Variants in PLEKHG5 observed in about 807,000 individuals in gnomAD.
PLEKHG5 encodes pleckstrin homology and RhoGEF domain containing G5, also known as pleckstrin homology domain-containing family G member 5.
PLEKHG5 carries 52 observed loss-of-function variants against 103.8 expected under a neutral mutation model. The observed-to-expected ratio is 0.50, with a 90% CI of 0.40 to 0.63. The LOEUF is 0.63. Among genes scored for constraint, PLEKHG5 ranks in the 30% least tolerant of loss-of-function variants. PLEKHG5 has a pLI of 0.00. For missense variants in PLEKHG5, 1,205 were observed against 1,347.6 expected (o/e 0.89, Z 1.66); for synonymous variants, 592 against 575.5 (o/e 1.03, Z -0.41).
upstream of PLEKHG5, among the ~76,000 whole-genome samples, chr1:6,496,155 C>T (rs1331390082): frequency 6.6e-6 from 1 of 152,218 alleles, no homozygotes. Flanking sequence ...CGTGGGAGAC[C>T]ACTTCCCCTG....
intron 5 of PLEKHG5, 51 bp downstream of exon 5, chr1:6,474,996 G>A (rs1644716547): frequency 2.7e-6 from 3 of 1,112,972 alleles, no homozygotes; most frequent in Non-Finnish European, 4.2e-6. Context: ...GCAACATGGG[G>A]CCACCCCTAC....
intron 1 of PLEKHG5, among the ~76,000 whole-genome samples, chr1:6,518,153 T>C (rs529446367): frequency 1.0e-3 from 152 of 151,516 alleles, no homozygotes; most frequent in East Asian, 2.8e-3. Flanking sequence ...AGGATGGTCT[T>C]GATCTCCTGA....
chr1:6,520,066 C>T, upstream of PLEKHG5: 1 of 183,930 alleles, frequency 5.4e-6, no homozygotes, highest in Non-Finnish European at 1.2e-5. Context: ...ATCAAGTGAG[C>T]CTCAAAACAT....
chr1:6,469,931 C>A (rs1262775671), intron 16 of PLEKHG5, among the ~76,000 whole-genome samples: 2 of 152,200 alleles, frequency 1.3e-5, no homozygotes, highest in African/African-American at 4.8e-5. Context: ...CTCAGCCTGC[C>A]CCATGCCTGA....
At position 6,469,570 on chromosome 1, in the gene PLEKHG5, A is replaced by T; in HGVS notation, c.1907T>A (p.Ile636Asn). ...VIRPPLLVDK[I>N]VCRELRDPGS... is the part of the protein sequence containing the mutation. The stretch of plus-strand genomic sequence containing the variant: ...AGGGTCCCGTAGCTCCCGGCACACA[A>T]TCTTGTCCACGAGCAGGGGTGGCCT... Residue 636 changes from isoleucine to asparagine, a missense_variant, in exon 17 of 21, where the codon ATT becomes AAT. Transcript: ENST00000377728. 1 of 1,613,840 alleles carries T rather than the reference A, an allele frequency of 6.2e-7. No individual in the cohort carries two copies.
chr1:6,514,883 C>CA (rs1489183354), intron 1 of PLEKHG5, among the ~76,000 whole-genome samples: 2 of 151,394 alleles, frequency 1.3e-5, no homozygotes, highest in Admixed American at 6.6e-5. Context: ...GCCTGGCCAA[C>CA]ATAGTGAAAC....
chr1:6,469,700 G>A, intron 16 of PLEKHG5, 24 bp from the exon 17 acceptor site: 1 of 1,609,472 alleles, frequency 6.2e-7, no homozygotes, highest in South Asian at 1.1e-5. Flanking sequence ...AGGGGGGGTG[G>A]CCAGAGAGGC....
At chr1:6,504,700 A>T (rs993738644) in intron 1 of PLEKHG5, among the ~76,000 whole-genome samples, 1 of 151,662 alleles carries the variant, frequency 6.6e-6, no homozygotes, top group South Asian at 2.1e-4. Context: ...CTCCGGAGTA[A>T]CTGGGACTAC....
upstream of PLEKHG5, among the ~76,000 whole-genome samples, chr1:6,495,164 G>C (rs759175646): frequency 1.3e-5 from 2 of 152,246 alleles, no homozygotes; most frequent in Non-Finnish European, 2.9e-5. Flanking sequence ...GATGTATATT[G>C]GGGGGAGCTG....
intron 5 of PLEKHG5, 80 bp from the exon 6 acceptor site, chr1:6,474,667 C>T (rs577168765): frequency 4.0e-5 from 56 of 1,416,700 alleles, no homozygotes; most frequent in Admixed American, 1.4e-4. Context: ...CACGAGCCCC[C>T]GCCCCACCCA....
chr1:6,510,918 G>A (rs575862729), intron 1 of PLEKHG5, among the ~76,000 whole-genome samples: 124 of 152,258 alleles, frequency 8.1e-4, no homozygotes, highest in African/African-American at 2.8e-3. Context: ...ATGACATCCC[G>A]TCTCTACTAA....
chr1:6,474,320 G>T, intron 6 of PLEKHG5, 131 bp downstream of exon 6: 1 of 1,157,732 alleles, frequency 8.6e-7, no homozygotes, highest in Non-Finnish European at 1.2e-6. Context: ...GCAGCATCCA[G>T]CAGAGACACC....
Position 6,487,138 on chromosome 1 carries a change from C to T in PLEKHG5, c.-88+4499G>A, listed in dbSNP as rs1019403730. Among the ~76,000 whole-genome samples the T allele has an allele frequency of 2.6e-5, 4 of 152,172 alleles. No individual in the cohort carries two copies. Among genetic ancestry groups the T allele is most frequent in the Admixed American group, 6.5e-5 (1 of 15,270 alleles). ...GTTTTTTGTTTGTTTGTTTTTGAGA[C>T]GGAATCTTGCTCTGTCACTCACGTT... On this transcript the variant is annotated intron_variant, in intron 1 of 20. Transcript: ENST00000377728. The surrounding 1 kb of genome is among the most constrained non-coding windows in gnomAD (Gnocchi z 4.1).
intron 1 of PLEKHG5, among the ~76,000 whole-genome samples, chr1:6,514,361 A>G (rs1328724205): frequency 6.6e-6 from 1 of 151,892 alleles, no homozygotes; most frequent in Non-Finnish European, 1.5e-5. Context: ...AGGCTACGGA[A>G]GAGGATGACT....
At chr1:6,497,446 G>A, upstream of PLEKHG5, 1 of 551,332 alleles carries the variant, frequency 1.8e-6, no homozygotes. This position sits in a 1 kb window ranked among gnomAD's most constrained non-coding sequence, Gnocchi z 6.1. Context: ...GGGGCAGGTG[G>A]GCGGGGAGGA....
upstream of PLEKHG5, among the ~76,000 whole-genome samples, chr1:6,494,118 A>ATTTTTTTTTTTT (rs36105555): frequency 2.6e-5 from 2 of 75,722 alleles, no homozygotes; most frequent in African/African-American, 2.1e-4. Flanking sequence ...CACCTGGCTA[A>ATTTTTTTTTTTT]TTTTTTTTTT....
At chr1:6,467,671 A>T in intron 20 of PLEKHG5, 99 bp from the exon 21 acceptor site, 1 of 1,460,844 alleles carries the variant, frequency 6.8e-7, no homozygotes, top group Non-Finnish European at 9.6e-7. Flanking sequence ...AGGCCCCTTC[A>T]CTGCTGCCCA....
intron 1 of PLEKHG5, among the ~76,000 whole-genome samples, chr1:6,479,109 A>G (rs1644836154): frequency 6.6e-6 from 1 of 152,084 alleles, no homozygotes; most frequent in South Asian, 2.1e-4. Flanking sequence ...CCTAAGAACA[A>G]AGACAGTTTT....
intron 1 of PLEKHG5, among the ~76,000 whole-genome samples, chr1:6,481,494 G>A (rs762326587): frequency 1.3e-5 from 2 of 151,322 alleles, no homozygotes; most frequent in African/African-American, 2.4e-5. Context: ...TTGTGCCATC[G>A]CACTCCAGCC....
Sources: gnomAD v4.1 joint callset for allele counts (sites outside exome capture counted in the v4.1 genomes callset) on GRCh38, gnomAD v4.1.1 for gene constraint, Gnocchi (gnomAD v3.1) non-coding constraint, MANE v1.5 for transcripts, NCBI Gene and HGNC (gene_info 2026-07-23, HGNC 2026-07-21) for gene names.